Variants in TNC observed in about 807,000 individuals in gnomAD.
The protein encoded by TNC is tenascin.
In TNC, 109 loss-of-function variants were observed where a neutral mutation model predicts 202.4. The ratio of observed to expected loss-of-function variants is 0.54; its 90% CI spans 0.46 to 0.63. The LOEUF (loss-of-function observed/expected upper bound fraction) is 0.63, where lower values mean the gene tolerates loss of function less well. TNC is among the 30% of genes least tolerant of loss of function. The probability of loss-of-function intolerance (pLI) is 0.00; values close to 1 mark genes in which losing one functional copy is unlikely to be tolerated. For missense variants in TNC, 2,756 were observed against 2,833.3 expected (o/e 0.97, Z 0.62); for synonymous variants, 1,007 against 1,089.7 (o/e 0.92, Z 1.50).
intron 11 of TNC, among the ~76,000 whole-genome samples, chr9:115,064,383 G>T (rs1367279740): frequency 2.0e-5 from 3 of 152,104 alleles, no homozygotes; most frequent in Non-Finnish European, 4.4e-5. Context: ...GCTGTTTATG[G>T]AGCTAAAGGC....
rs772710380 is a variant in TNC, at chr9:115,064,042, C to A, written c.3514G>T (p.Val1172Leu). The part of the protein sequence containing the change: ...TGETPNLGEV[V>L]VAEVGWDALK... ...GCATCCCAGCCCACCTCGGCCACCA[C>A]GACCTCTCCCAAATTGGGAGTTTCC... Residue 1172 changes from valine (V) to leucine (L), a missense_variant, in exon 12 of 28, where the codon GTG becomes TTG. Val to Leu is a conservative substitution (Grantham distance 32). This residue lies in a region of TNC where 2,559 missense variants were observed against 2,546.0 expected (regional missense o/e 1.01). Transcript: ENST00000350763. 6.2e-7 allele frequency: 1 copy of A among 1,610,012 alleles called. No individual in the cohort carries two copies. Among genetic ancestry groups the A allele is most frequent in the Non-Finnish European group, 8.5e-7 (1 of 1,177,490 alleles).
At chr9:115,102,230 C>T (rs1433111275) in intron 1 of TNC, among the ~76,000 whole-genome samples, 1 of 152,142 alleles carries the variant, frequency 6.6e-6, no homozygotes, top group Non-Finnish European at 1.5e-5. Flanking sequence ...GCCTTTTGTG[C>T]TGGAGGGCCA....
Position 115,078,100 on chromosome 9 carries a change from G to A in TNC, c.2517C>T (p.Ile839=). The change falls in exon 7 of 28, where the codon ATC becomes ATT. Residue 839 remains isoleucine, a synonymous_variant. Transcript: ENST00000350763. The stretch of plus-strand genomic sequence containing the variant: ...TGGTACGGTCTCCTGGCACGTCTTT[G>A]ATGCCGTAGGTCAGCTCAATGCCAT... ...EIDGIELTYG[I]KDVPGDRTTI... 6.2e-7 allele frequency: 1 copy of A among 1,614,204 alleles called. No homozygotes were observed. The highest frequency in any genetic ancestry group is 1.1e-5 in the South Asian group (1 of 91,076).
intron 16 of TNC, among the ~76,000 whole-genome samples, chr9:115,047,091 A>G (rs1260791229): frequency 1.3e-5 from 2 of 152,158 alleles, no homozygotes; most frequent in Non-Finnish European, 2.9e-5. Context: ...GAAAAGACAA[A>G]TAAACCAGCA....
chr9:115,073,926 G>A (rs562147156), intron 9 of TNC, 60 bp from the exon 10 acceptor site: 458 of 1,541,854 alleles, frequency 3.0e-4, no homozygotes, highest in Non-Finnish European at 3.8e-4. Context: ...TGCTTCTGGG[G>A]CTGAAAGTCA....
intron 16 of TNC, among the ~76,000 whole-genome samples, chr9:115,047,681 G>A (rs890527493): frequency 2.0e-5 from 3 of 152,100 alleles, no homozygotes; most frequent in African/African-American, 7.2e-5. Context: ...AAGACTTTGG[G>A]AAACACAGAT....
rs200330029 is a variant in TNC, at chr9:115,023,974, T to C, written c.6494A>G (p.Gln2165Arg). 175 of 1,613,478 alleles carry C rather than the reference T, an allele frequency of 1.1e-4. No homozygotes were observed. In the South Asian group the frequency reaches 1.3e-3, roughly 12 times the overall value. The stretch of plus-strand genomic sequence containing the variant: ...TCTGGGCCCTCACGGTCCACTCACC[T>C]GACTGTGGTTATTGTCCCCATATCT... ...MGRYGDNNHS[Q>R]GVNWFHWKGH... The change falls in exon 27 of 28, where the codon CAG (glutamine) becomes CGG (arginine). Residue 2165 changes from glutamine to arginine, a missense_variant and splice_region_variant. Coordinates refer to ENST00000350763, the MANE Select transcript of TNC (RefSeq NM_002160.4).
At position 115,020,898 on chromosome 9, in the gene TNC, T is replaced by C. The variant is rs1587971842; in HGVS notation, c.*259A>G. 2 of 455,218 alleles carry C rather than the reference T, an allele frequency of 4.4e-6. No individual in the cohort carries two copies. The highest frequency in any genetic ancestry group is 7.5e-5 in the East Asian group (2 of 26,696). 28.2% of individuals were successfully genotyped at this position (455,218 alleles called of 1,614,324 possible). ...AGAGAAGTAAAAAACTATTGCGATG[T>C]TGTCACTGGGAGATTTTTGCTGAAT... On this transcript the variant is annotated 3_prime_UTR_variant, in exon 28 of 28. Transcript: ENST00000350763.
chr9:115,064,591 A>T (rs925132265), intron 11 of TNC, 56 bp downstream of exon 11: 1 of 1,541,728 alleles, frequency 6.5e-7, no homozygotes, highest in Admixed American at 1.9e-5. Flanking sequence ...CTGATTATTC[A>T]TGGGCAGTTT....
At chr9:115,027,825 T>A (rs1000454998) in intron 25 of TNC, among the ~76,000 whole-genome samples, 1 of 152,122 alleles carries the variant, frequency 6.6e-6, no homozygotes, top group Non-Finnish European at 1.5e-5. Context: ...AGCTCAACTG[T>A]TCATTGGTTA....
Position 115,073,580 on chromosome 9 carries a change from G to C in TNC, c.3214+23C>G, listed in dbSNP as rs1287425940. 5.6e-6 allele frequency: 9 copies of C among 1,602,056 alleles called. No individual in the cohort carries two copies. In the South Asian group the frequency reaches 7.7e-5, roughly 14 times the overall value. On this transcript the variant is annotated intron_variant, in intron 10 of 27. Coordinates refer to ENST00000350763, the MANE Select transcript of TNC (RefSeq NM_002160.4). ...AACCTCAGAATCAACCTAGAGTTTGGAGGAAGCTCAGGGCAGACTCACCAG... is the reference window on the plus strand; with the variant it reads ...AACCTCAGAATCAACCTAGAGTTTGCAGGAAGCTCAGGGCAGACTCACCAG...
intron 1 of TNC, among the ~76,000 whole-genome samples, chr9:115,105,158 A>G (rs1836518321): frequency 6.6e-6 from 1 of 152,230 alleles, no homozygotes; most frequent in Admixed American, 6.5e-5. Context: ...AATATGACTC[A>G]TGAAACAAAA....
rs1288901205 is a variant in TNC, at chr9:115,057,135, G to A, written c.4579+18C>T. 1 of 1,597,318 alleles carries A rather than the reference G, an allele frequency of 6.3e-7. No homozygotes were observed. Among genetic ancestry groups the A allele is most frequent in the African/African-American group, 1.3e-5 (1 of 74,518 alleles). ...ACTGTGGAGAGAGTGCGTTAGAAATGGGAGAATGCACATGTACCTGTCGTG... is the reference window on the plus strand; with the variant it reads ...ACTGTGGAGAGAGTGCGTTAGAAATAGGAGAATGCACATGTACCTGTCGTG... On this transcript the variant is annotated intron_variant, in intron 15 of 27. Transcript: ENST00000350763.
intron 1 of TNC, among the ~76,000 whole-genome samples, chr9:115,113,275 C>T (rs1461293656): frequency 6.6e-6 from 1 of 152,134 alleles, no homozygotes; most frequent in African/African-American, 2.4e-5. Flanking sequence ...TATAACTAGC[C>T]TCTCAGGACT....
At chr9:115,102,683 T>C (rs1363304158) in intron 1 of TNC, among the ~76,000 whole-genome samples, 1 of 152,242 alleles carries the variant, frequency 6.6e-6, no homozygotes, top group Non-Finnish European at 1.5e-5. Context: ...TCTTAGGAAA[T>C]TAGCTAATTC....
chr9:115,082,257 G>T (rs1834360710), intron 5 of TNC, among the ~76,000 whole-genome samples: 2 of 152,200 alleles, frequency 1.3e-5, no homozygotes, highest in South Asian at 4.1e-4. Flanking sequence ...GGTGATTGTT[G>T]GATAGTCACA....
intron 10 of TNC, among the ~76,000 whole-genome samples, chr9:115,069,844 C>T (rs1385018572): frequency 7.0e-6 from 1 of 142,244 alleles, no homozygotes. Flanking sequence ...CCCTTCCTTC[C>T]TTCTTTCCTT....
At chr9:115,088,646 C>T (rs1834979751) in intron 2 of TNC, among the ~76,000 whole-genome samples, 1 of 152,006 alleles carries the variant, frequency 6.6e-6, no homozygotes, top group Non-Finnish European at 1.5e-5. Context: ...TACGTAGAAA[C>T]AGCTTGTATT....
chr9:115,025,700 A>T (rs1829425810), intron 26 of TNC, among the ~76,000 whole-genome samples: 1 of 152,270 alleles, frequency 6.6e-6, no homozygotes, highest in Non-Finnish European at 1.5e-5. Flanking sequence ...CAACGTCTTC[A>T]TAAAATGGTT....
Sources: gnomAD v4.1 joint callset for allele counts (sites outside exome capture counted in the v4.1 genomes callset) on GRCh38, gnomAD v4.1.1 for gene constraint, gnomAD v4.1.1 regional missense constraint, MANE v1.5 for transcripts, NCBI Gene and HGNC (gene_info 2026-07-23, HGNC 2026-07-21) for gene names.